Variants in MBP observed in about 807,000 individuals in gnomAD.
MBP encodes the protein myelin basic protein.
A neutral mutation model predicts 35.8 loss-of-function variants in MBP; 16 were observed. That is an observed-to-expected ratio of 0.45 (90% CI 0.30 to 0.68). The LOEUF is 0.68. Among genes scored for constraint, MBP ranks in the 30% least tolerant of loss-of-function variants. The pLI, the probability that MBP is intolerant of heterozygous loss-of-function variation, is 0.08. For synonymous variants in MBP, 143 were observed against 159.6 expected (o/e 0.90, Z 0.78); for missense variants, 380 against 404.7 (o/e 0.94, Z 0.52).
intron 2 of MBP, among the ~76,000 whole-genome samples, chr18:77,083,930 C>T (rs72618555): frequency 0.043 from 6,525 of 151,912 alleles, 215 homozygotes; most frequent in East Asian, 0.09. Context: ...GATAGTTGCA[C>T]GTATCCAGTA....
chr18:76,981,835 A>C (rs1036111509), intron 8 of MBP: 1 of 152,244 alleles, frequency 6.6e-6, no homozygotes, highest in African/African-American at 2.4e-5. Flanking sequence ...GGAGTAGCCC[A>C]GAAGTTGGCA....
chr18:77,089,818 T>C (rs915167116), intron 2 of MBP, among the ~76,000 whole-genome samples: 1 of 151,846 alleles, frequency 6.6e-6, no homozygotes, highest in Non-Finnish European at 1.5e-5. Context: ...CTGCAGGAGG[T>C]GATGAGAAGT....
intron 1 of MBP, among the ~76,000 whole-genome samples, chr18:77,105,598 CCCAT>C (rs1169416060): frequency 3.3e-5 from 5 of 152,228 alleles, no homozygotes; most frequent in African/African-American, 9.7e-5. Context: ...TATTCATCCA[CCCAT>C]CCATCTATCC....
At chr18:77,082,857 C>T (rs1463846567) in intron 2 of MBP, among the ~76,000 whole-genome samples, 1 of 152,272 alleles carries the variant, frequency 6.6e-6, no homozygotes, top group African/African-American at 2.4e-5. Flanking sequence ...CTAGGGAATG[C>T]CATGTGGTTC....
intron 2 of MBP, among the ~76,000 whole-genome samples, chr18:77,082,374 A>G (rs1342536113): frequency 1.3e-5 from 2 of 152,216 alleles, no homozygotes; most frequent in Non-Finnish European, 2.9e-5. Context: ...GTAAGATTCC[A>G]TAAGTATGAA....
At chr18:77,025,010 T>G (rs72618554) in intron 3 of MBP, among the ~76,000 whole-genome samples, 18,928 of 152,130 alleles carry the variant, frequency 0.12, 2,911 homozygotes, top group African/African-American at 0.36. Flanking sequence ...GCAGGAGTTT[T>G]GGGAGGTGCA....
chr18:77,119,590 C>T (rs1976824875), intron 1 of MBP, among the ~76,000 whole-genome samples: 1 of 152,130 alleles, frequency 6.6e-6, no homozygotes. Flanking sequence ...CTTGCTCTTC[C>T]CTCTTACCTC....
At chr18:77,025,385 C>T (rs949388009) in intron 3 of MBP, among the ~76,000 whole-genome samples, 8 of 152,326 alleles carry the variant, frequency 5.3e-5, no homozygotes, top group South Asian at 2.1e-4. Flanking sequence ...CCAGGGCCCC[C>T]GCCTGCAGCC....
intron 2 of MBP, among the ~76,000 whole-genome samples, chr18:77,067,304 T>C (rs575766469): frequency 3.9e-5 from 6 of 152,178 alleles, no homozygotes. Context: ...ACATGGGTAT[T>C]CTTTTCCCTC....
chr18:77,021,446 G>A (rs1053120925), intron 3 of MBP, among the ~76,000 whole-genome samples: 1 of 151,426 alleles, frequency 6.6e-6, no homozygotes, highest in Admixed American at 6.6e-5. Context: ...GACCTTGGGC[G>A]ATGCTGTAGA....
At chr18:77,098,586 G>C (rs1975865132) in intron 2 of MBP, among the ~76,000 whole-genome samples, 1 of 152,238 alleles carries the variant, frequency 6.6e-6, no homozygotes, top group South Asian at 2.1e-4. Context: ...AACAGGCTGT[G>C]TGTTGTCAGA....
chr18:77,031,074 CAA>C (rs541062004), intron 3 of MBP, among the ~76,000 whole-genome samples: 1 of 138,980 alleles, frequency 7.2e-6, no homozygotes. Flanking sequence ...TCAGCCATTG[CAA>C]AAAAAAAAAA....
intron 3 of MBP, among the ~76,000 whole-genome samples, chr18:77,034,611 C>G (rs1007484160): frequency 6.6e-6 from 1 of 152,220 alleles, no homozygotes; most frequent in African/African-American, 2.4e-5. Context: ...CTCTGGGAGC[C>G]AGGGCTGCAG....
At position 77,017,285 on chromosome 18, in the gene MBP, G is replaced by A; in HGVS notation, c.140-17C>T. ...CTGCCTCTCCTGCAAACAACAATGA[G>A]ATATGAATACGGGCCTGTGCAAAGC... On this transcript the variant is annotated splice_polypyrimidine_tract_variant and intron_variant, in intron 3 of 8. Coordinates refer to ENST00000355994, the MANE Select transcript of MBP (RefSeq NM_001025101.2). 3 of 1,503,732 alleles carry A rather than the reference G, an allele frequency of 2.0e-6. No individual in the cohort carries two copies. Among genetic ancestry groups the A allele is most frequent in the Non-Finnish European group, 8.9e-7 (1 of 1,129,302 alleles). The allele number at this position is 1,503,732 out of a possible 1,614,324, so 93.1% of individuals were successfully genotyped here.
chr18:77,082,145 C>T (rs1196544999), intron 2 of MBP, among the ~76,000 whole-genome samples: 2 of 152,098 alleles, frequency 1.3e-5, no homozygotes, highest in Admixed American at 6.5e-5. Flanking sequence ...AGCCACTGCG[C>T]CCGGCCCATA....
At chr18:77,008,767 G>T (rs1170980758) in intron 4 of MBP, among the ~76,000 whole-genome samples, 1 of 152,208 alleles carries the variant, frequency 6.6e-6, no homozygotes, top group Non-Finnish European at 1.5e-5. Context: ...CCTGGCCCGC[G>T]GCGGTGCAGC....
intron 2 of MBP, among the ~76,000 whole-genome samples, chr18:77,100,254 G>A (rs530703448): frequency 6.6e-5 from 10 of 152,280 alleles, no homozygotes; most frequent in Non-Finnish European, 1.0e-4. Context: ...ACCACTGGAG[G>A]ACACAGAGAG....
chr18:77,070,030 G>A (rs1974372104), intron 2 of MBP, among the ~76,000 whole-genome samples: 1 of 151,998 alleles, frequency 6.6e-6, no homozygotes, highest in Admixed American at 6.5e-5. Flanking sequence ...TTTGAGACCC[G>A]ATATTGCTAT....
At chr18:77,006,999 C>T (rs181660297) in intron 4 of MBP, among the ~76,000 whole-genome samples, 27 of 152,226 alleles carry the variant, frequency 1.8e-4, no homozygotes, top group African/African-American at 4.6e-4. Flanking sequence ...CTGTTCAGCT[C>T]GCGTTTCTCA....
Sources: allele counts gnomAD v4.1 joint callset (sites outside exome capture counted in the v4.1 genomes callset), GRCh38; gene constraint gnomAD v4.1.1; transcripts MANE v1.5; gene names NCBI Gene and HGNC (gene_info 2026-07-23, HGNC 2026-07-21).